MEGF11: variants seen among roughly 807,000 people sequenced by gnomAD.
MEGF11 encodes multiple EGF like domains 11.
A neutral mutation model predicts 146.6 loss-of-function variants in MEGF11; 126 were observed. The ratio of observed to expected loss-of-function variants is 0.86; its 90% CI spans 0.74 to 1.00. The LOEUF is 1.00. Among genes scored for constraint, MEGF11 ranks in the 50% least tolerant of loss-of-function variants. MEGF11 has a pLI of 0.00. For missense variants in MEGF11, 1,509 were observed against 1,521.2 expected (o/e 0.99, Z 0.13); for synonymous variants, 532 against 583.4 (o/e 0.91, Z 1.27).
chr15:65,939,396 G>C (rs2079899722), intron 10 of MEGF11, among the ~76,000 whole-genome samples: 1 of 152,014 alleles, frequency 6.6e-6, no homozygotes. Context: ...TGTGTTTCTT[G>C]AGCATCTATG....
chr15:66,151,155 C>T (rs1471255055), intron 1 of MEGF11, among the ~76,000 whole-genome samples: 1 of 152,152 alleles, frequency 6.6e-6, no homozygotes. Flanking sequence ...CTGAGACACC[C>T]CCTAACCCTA....
At chr15:65,966,487 G>C (rs183653079) in intron 8 of MEGF11, among the ~76,000 whole-genome samples, 18 of 152,308 alleles carry the variant, frequency 1.2e-4, no homozygotes, top group African/African-American at 4.3e-4. Flanking sequence ...CTTTGGGCCA[G>C]ATGTACAGTC....
intron 5 of MEGF11, among the ~76,000 whole-genome samples, chr15:65,984,929 T>C (rs11635708): frequency 0.18 from 27,320 of 151,812 alleles, 2,738 homozygotes; most frequent in Non-Finnish European, 0.23. Flanking sequence ...CCACCACGCC[T>C]GGCTAATTTT....
At position 65,898,828 on chromosome 15, in the gene MEGF11, T is replaced by C. The variant is rs756193203; in HGVS notation, c.3162A>G (p.Pro1054=). 1.2e-6 allele frequency: 2 copies of C among 1,614,014 alleles called. No individual in the cohort carries two copies. Among genetic ancestry groups the C allele is most frequent in the South Asian group, 1.1e-5 (1 of 91,088 alleles). The change falls in exon 25 of 26, where the codon CCA becomes CCG. Residue 1054 remains proline, a synonymous_variant. Transcript: ENST00000395614. ...KDPPILTCKL[P]ESSYVEMKSP... is the part of the protein sequence containing the mutation. Reference sequence around the variant, plus strand: ...ACTTCATTTCTACATAGCTGCTTTCTGGAAGCTTGCAGGTGAGGATGGGTG... The same window carrying C: ...ACTTCATTTCTACATAGCTGCTTTCCGGAAGCTTGCAGGTGAGGATGGGTG...
chr15:66,155,150 C>T (rs1185087375), intron 1 of MEGF11, among the ~76,000 whole-genome samples: 1 of 152,218 alleles, frequency 6.6e-6, no homozygotes, highest in Non-Finnish European at 1.5e-5. Context: ...AGACCCTGGC[C>T]CCTGACTTCC....
intron 1 of MEGF11, among the ~76,000 whole-genome samples, chr15:66,131,660 T>C (rs1014866628): frequency 6.6e-6 from 1 of 152,192 alleles, no homozygotes; most frequent in Non-Finnish European, 1.5e-5. Context: ...ACTAGTCCCA[T>C]GAGACATTGA....
intron 4 of MEGF11, among the ~76,000 whole-genome samples, chr15:66,100,008 C>T (rs576602395): frequency 6.6e-6 from 1 of 152,248 alleles, no homozygotes; most frequent in Non-Finnish European, 1.5e-5. Context: ...AGAAGAGGAG[C>T]GTGGAATGAA....
intron 3 of MEGF11, among the ~76,000 whole-genome samples, chr15:66,120,640 T>C (rs567444183): frequency 6.6e-6 from 1 of 152,220 alleles, no homozygotes; most frequent in African/African-American, 2.4e-5. Flanking sequence ...TATTTGGGAA[T>C]GTCGTAAGCT....
chr15:66,030,203 C>T (rs943195130), intron 5 of MEGF11, among the ~76,000 whole-genome samples: 3 of 152,154 alleles, frequency 2.0e-5, no homozygotes, highest in African/African-American at 4.8e-5. Flanking sequence ...ATGTACCTGC[C>T]GCATGCAAAA....
chr15:65,961,170 T>A (rs1008354117), intron 9 of MEGF11, among the ~76,000 whole-genome samples: 6 of 152,178 alleles, frequency 3.9e-5, no homozygotes, highest in African/African-American at 1.4e-4. Context: ...CAGGCATCCC[T>A]TCTTCCTGGT....
intron 1 of MEGF11, among the ~76,000 whole-genome samples, chr15:66,146,671 T>C (rs918077533): frequency 1.3e-5 from 2 of 152,234 alleles, no homozygotes; most frequent in African/African-American, 4.8e-5. Flanking sequence ...TGTCATGAAG[T>C]GTCTAAGGAC....
At chr15:65,932,297 G>T (rs1232873978) in intron 10 of MEGF11, among the ~76,000 whole-genome samples, 6 of 152,150 alleles carry the variant, frequency 3.9e-5, no homozygotes, top group Admixed American at 3.9e-4. Context: ...CAGGTGAGTT[G>T]GCTAACTTGG....
chr15:66,077,526 C>T (rs973724949), intron 5 of MEGF11, among the ~76,000 whole-genome samples: 18 of 152,344 alleles, frequency 1.2e-4, no homozygotes, highest in African/African-American at 4.3e-4. Flanking sequence ...TCCCTAGTCC[C>T]ACCTCCACCT....
At chr15:66,045,355 G>T (rs897028903) in intron 5 of MEGF11, among the ~76,000 whole-genome samples, 1 of 152,192 alleles carries the variant, frequency 6.6e-6, no homozygotes, top group African/African-American at 2.4e-5. Context: ...CCATAGGCTT[G>T]GCAGGAGAGA....
intron 4 of MEGF11, among the ~76,000 whole-genome samples, chr15:66,108,331 G>T (rs536596176): frequency 6.6e-6 from 1 of 152,294 alleles, no homozygotes; most frequent in African/African-American, 2.4e-5. Context: ...ATTTTCCAAG[G>T]CTATTTTCTG....
At chr15:65,904,742 A>T (rs900976861) in intron 24 of MEGF11, among the ~76,000 whole-genome samples, 2 of 152,158 alleles carry the variant, frequency 1.3e-5, no homozygotes, top group South Asian at 4.1e-4. Flanking sequence ...CTCTTCACAC[A>T]TGCAGATTCC....
intron 1 of MEGF11, among the ~76,000 whole-genome samples, chr15:66,168,935 C>T (rs567449025): frequency 1.3e-5 from 2 of 152,320 alleles, no homozygotes; most frequent in East Asian, 1.9e-4. Context: ...TTGCAGTGAG[C>T]CAGGATCGTG....
At position 66,131,896 on chromosome 15, in the gene MEGF11, G is replaced by GAAAC. The variant is rs199754842; in HGVS notation, c.-8-3489_-8-3486dup. Among the ~76,000 whole-genome samples, 1,300 of 152,292 alleles carry GAAAC rather than the reference G, an allele frequency of 8.5e-3. 21 individuals are homozygous for GAAAC. The highest frequency in any genetic ancestry group is 0.03 in the African/African-American group (1,236 of 41,550). ...GGTGTTCCTGATGATAGCGGCTTAG[G>GAAAC]AAACTCTGCTCCCCTCCCTCAACAC... On this transcript the variant is annotated intron_variant, in intron 1 of 25. Coordinates refer to ENST00000395614, the MANE Select transcript of MEGF11 (RefSeq NM_001385028.1).
chr15:66,051,960 A>G (rs571338094), intron 5 of MEGF11, among the ~76,000 whole-genome samples: 1 of 152,338 alleles, frequency 6.6e-6, no homozygotes, highest in Non-Finnish European at 1.5e-5. Context: ...AAGTGATGCC[A>G]TTATGGCGGC....
Sources: gnomAD v4.1 joint callset for allele counts (sites outside exome capture counted in the v4.1 genomes callset) on GRCh38, gnomAD v4.1.1 for gene constraint, MANE v1.5 for transcripts, NCBI Gene and HGNC (gene_info 2026-07-23, HGNC 2026-07-21) for gene names.